The following MCM3AP variants were observed in gnomAD, a reference collection of about 807,000 sequenced individuals.
MCM3AP encodes the protein germinal-center associated nuclear protein.
In MCM3AP, 126 loss-of-function variants were observed where a neutral mutation model predicts 184.1. That is an observed-to-expected ratio of 0.68 (90% CI 0.59 to 0.79). MCM3AP has a LOEUF of 0.79. MCM3AP is among the 30% of genes least tolerant of loss of function. The pLI is 0.00. For missense variants in MCM3AP, 2,496 were observed against 2,479.2 expected (o/e 1.01, Z -0.14); for synonymous variants, 1,002 against 979.3 (o/e 1.02, Z -0.43).
chr21:46,260,620 A>T (rs1050447881), intron 15 of MCM3AP, among the ~76,000 whole-genome samples, 173 bp downstream of exon 15: 7 of 152,354 alleles, frequency 4.6e-5, no homozygotes, highest in African/African-American at 1.7e-4. Context: ...ATAAAATTCT[A>T]TTAGCCAAGG....
Position 46,283,817 on chromosome 21 carries a change from GC to G in MCM3AP, c.1240del (p.Ala414ArgfsTer94). The G allele has an allele frequency of 6.2e-7, 1 of 1,613,328 alleles. No individual in the cohort carries two copies. The highest frequency in any genetic ancestry group is 8.5e-7 in the Non-Finnish European group (1 of 1,179,850). ...KKEDSLRGTP[A>X]RQSNRSESTD... The stretch of plus-strand genomic sequence containing the variant: ...GCTCTCGCTTCTGTTACTCTGACGC[GC>G]CGGAGTTCCTCTTAGAGAATCTAGG... On this transcript the variant is annotated frameshift_variant, in exon 2 of 28. Transcript: ENST00000291688. LOFTEE classifies it high-confidence loss of function.
intron 17 of MCM3AP, among the ~76,000 whole-genome samples, chr21:46,255,842 A>AG (rs1470947438): frequency 6.6e-6 from 1 of 151,504 alleles, no homozygotes; most frequent in African/African-American, 2.4e-5. Flanking sequence ...GCAGCTACGG[A>AG]GGGGGGACAC....
intron 20 of MCM3AP, among the ~76,000 whole-genome samples, chr21:46,248,616 G>GGAA (rs1222513880): frequency 1.6e-5 from 2 of 128,030 alleles, no homozygotes. Flanking sequence ...TAACAGAGAG[G>GGAA]AAAAAAAAAA....
At chr21:46,260,670 T>G in intron 15 of MCM3AP, 123 bp downstream of exon 15, 1 of 661,790 alleles carries the variant, frequency 1.5e-6, no homozygotes, top group South Asian at 1.8e-5. Context: ...GGTCACAAAA[T>G]CAAAGTAGCT....
intron 19 of MCM3AP, 126 bp from the exon 20 acceptor site, chr21:46,251,808 C>G (rs1285177026): frequency 1.0e-5 from 6 of 572,522 alleles, no homozygotes; most frequent in Non-Finnish European, 1.5e-5. Flanking sequence ...CCACAAATAC[C>G]ACATCTTACT....
chr21:46,242,323 T>C (rs983095686), intron 25 of MCM3AP: 1 of 151,762 alleles, frequency 6.6e-6, no homozygotes, highest in Non-Finnish European at 1.5e-5. Context: ...GTTAGGACTT[T>C]TTTTTTTTTT....
Position 46,265,477 on chromosome 21 carries a change from CA to C in MCM3AP, c.3077del (p.Leu1026ArgfsTer24), listed in dbSNP as rs745820973. 3 of 1,610,944 alleles carry C rather than the reference CA, an allele frequency of 1.9e-6. No homozygotes were observed. The highest frequency in any genetic ancestry group is 2.5e-6 in the Non-Finnish European group (3 of 1,178,676). On this transcript the variant is annotated frameshift_variant, in exon 12 of 28. Coordinates refer to ENST00000291688, the MANE Select transcript of MCM3AP (RefSeq NM_003906.5). LOFTEE classifies it high-confidence loss of function. Reference sequence around the variant, plus strand: ...CTGGTAGAGACTGTGGGAGACTGGACAGGGGTGCATCCGGCTCTACACCACA... The same window carrying C: ...CTGGTAGAGACTGTGGGAGACTGGACGGGGTGCATCCGGCTCTACACCACA... The part of the protein sequence containing the change: ...EECGVEPDAP[L>X]SSLPQSLPAP...
At position 46,273,369 on chromosome 21, in the gene MCM3AP, G is replaced by C. The variant is rs1377718368; in HGVS notation, c.2196+19C>G. The C allele has an allele frequency of 1.2e-6, 2 of 1,608,436 alleles. No individual in the cohort carries two copies. The highest frequency in any genetic ancestry group is 1.7e-6 in the Non-Finnish European group (2 of 1,175,108). On this transcript the variant is annotated intron_variant, in intron 7 of 27. Coordinates refer to ENST00000291688, the MANE Select transcript of MCM3AP (RefSeq NM_003906.5). The stretch of plus-strand genomic sequence containing the variant: ...ATTTGCGTGGATTTTTTAGCATCCA[G>C]GTTGGAGGCAGCCAATACCTTCCGT...
intron 8 of MCM3AP, among the ~76,000 whole-genome samples, chr21:46,271,926 G>C (rs1176992870): frequency 1.3e-5 from 2 of 151,628 alleles, no homozygotes; most frequent in Admixed American, 6.6e-5. Flanking sequence ...CACAGTTCTT[G>C]AGGAAAATAC....
chr21:46,267,242 G>T, intron 9 of MCM3AP, 100 bp from the exon 10 acceptor site: 1 of 1,153,718 alleles, frequency 8.7e-7, no homozygotes, highest in Non-Finnish European at 1.2e-6. Flanking sequence ...GGGGCACATG[G>T]GCTCCTCCTG....
In MCM3AP at chr21:46,285,135, C is replaced by A. The variant is rs764739996; in HGVS notation, c.152G>T (p.Gly51Val). The A allele has an allele frequency of 6.2e-7, 1 of 1,614,152 alleles. No individual in the cohort carries two copies. Among genetic ancestry groups the A allele is most frequent in the South Asian group, 1.1e-5 (1 of 91,086 alleles). ...QNSTLSGKSS[G>V]FSQVSSFPAS... Reference sequence around the variant, plus strand: ...TGGAAAGCTGGATACCTGTGAAAATCCCGAGCTCTTCCCAGATAAGGTACT... The same window carrying A: ...TGGAAAGCTGGATACCTGTGAAAATACCGAGCTCTTCCCAGATAAGGTACT... Residue 51 changes from glycine to valine, a missense_variant, in exon 1 of 28, where the codon GGA becomes GTA. Physicochemically the swap from Gly to Val is moderately radical, Grantham distance 109 (BLOSUM62 -3). This residue lies in a region of MCM3AP where 800 missense variants were observed against 717.1 expected (regional missense o/e 1.12). Transcript: ENST00000291688.
chr21:46,242,898 T>A lies in MCM3AP; in HGVS notation c.5330A>T (p.Tyr1777Phe). ...TTTTTTCAAATCGTTTTTAAAAAAA[T>A]ACACACATATCTGACCATCTTCACT... Reference protein sequence around the residue: ...ALSEDGQICVYFFKNDLKKYD... With the variant: ...ALSEDGQICVFFFKNDLKKYD... Residue 1777 changes from tyrosine to phenylalanine, a missense_variant, in exon 25 of 28, where the codon TAT (tyrosine) becomes TTT (phenylalanine). This residue lies in a region of MCM3AP where 1,323 missense variants were observed against 1,273.4 expected (regional missense o/e 1.04). Coordinates refer to ENST00000291688, the MANE Select transcript of MCM3AP (RefSeq NM_003906.5). The A allele has an allele frequency of 6.2e-7, 1 of 1,611,164 alleles. No homozygotes were observed. The highest frequency in any genetic ancestry group is 8.5e-7 in the Non-Finnish European group (1 of 1,179,420).
In MCM3AP at chr21:46,246,416, A is replaced by C; in HGVS notation, c.4550-12T>G. ...CTGTAGCATCAGACCTTTAAGACAG[A>C]CATAGATGAAGGTCACTTGCATTCT... On this transcript the variant is annotated splice_polypyrimidine_tract_variant and intron_variant, in intron 21 of 27. Coordinates refer to ENST00000291688, the MANE Select transcript of MCM3AP (RefSeq NM_003906.5). 6.5e-7 allele frequency: 1 copy of C among 1,542,696 alleles called. No individual in the cohort carries two copies. The highest frequency in any genetic ancestry group is 9.0e-7 in the Non-Finnish European group (1 of 1,114,864).
rs200901389 is a variant in MCM3AP, at chr21:46,272,847, G to A, written c.2197-18C>T. 6.4e-5 allele frequency: 100 copies of A among 1,555,158 alleles called. No individual in the cohort carries two copies. The highest frequency in any genetic ancestry group is 6.7e-5 in the Non-Finnish European group (77 of 1,149,676). Reference sequence around the variant, plus strand: ...GTGATATCCTGGCCACAGGCGAGGGGGAGGATCACACACACATTCCCATGC... The same window carrying A: ...GTGATATCCTGGCCACAGGCGAGGGAGAGGATCACACACACATTCCCATGC... On this transcript the variant is annotated intron_variant, in intron 7 of 27. Transcript: ENST00000291688.
At chr21:46,243,060 C>CTTAA in intron 24 of MCM3AP, 129 bp from the exon 25 acceptor site, 1 of 817,492 alleles carries the variant, frequency 1.2e-6, no homozygotes, top group Non-Finnish European at 1.9e-6. Context: ...GTGGCATGTG[C>CTTAA]TTAAATTCAC....
rs553397121 is a variant in MCM3AP at position 46,250,004 on chromosome 21, C to T, written c.4290+1525G>A. On this transcript the variant is annotated intron_variant, in intron 20 of 27. Coordinates refer to ENST00000291688, the MANE Select transcript of MCM3AP (RefSeq NM_003906.5). ...AGGCACATGTTGCCTGGATGGAGACCAGCCCACAGATGAGAGTTCCAGGAC... is the reference window on the plus strand; with the variant it reads ...AGGCACATGTTGCCTGGATGGAGACTAGCCCACAGATGAGAGTTCCAGGAC... 24 of 157,058 alleles carry T rather than the reference C, an allele frequency of 1.5e-4. No homozygotes were observed. In the South Asian group the frequency reaches 4.6e-3, roughly 30 times the overall value. 9.7% of individuals were successfully genotyped at this position (157,058 alleles called of 1,614,324 possible).
In MCM3AP at chr21:46,284,707, A is replaced by C; in HGVS notation, c.580T>G (p.Phe194Val). ...SAPGGLAPFSFPQVTSSSATT... is the reference protein window; with the variant it reads ...SAPGGLAPFSVPQVTSSSATT... ...GCTGAACTACTTGTTACTTGAGGAA[A>C]AGAGAAAGGGGCCAGGCCTCCAGGT... The change falls in exon 1 of 28, where the codon TTT becomes GTT. Residue 194 changes from phenylalanine (F) to valine (V), a missense_variant. By Grantham distance (50) the Phe-to-Val change is conservative. Transcript: ENST00000291688. 6.2e-7 allele frequency: 1 copy of C among 1,614,168 alleles called. No homozygotes were observed. Among genetic ancestry groups the C allele is most frequent in the Non-Finnish European group, 8.5e-7 (1 of 1,180,040 alleles).
intron 24 of MCM3AP, 174 bp from the exon 25 acceptor site, chr21:46,243,105 C>G: frequency 3.1e-6 from 2 of 635,796 alleles, no homozygotes; most frequent in Non-Finnish European, 5.3e-6. Context: ...TAAAGTCACA[C>G]AATTATGTGA....
intron 6 of MCM3AP, among the ~76,000 whole-genome samples, 183 bp from the exon 7 acceptor site, chr21:46,273,768 A>G (rs1465298938): frequency 6.6e-6 from 1 of 152,348 alleles, no homozygotes; most frequent in East Asian, 1.9e-4. Context: ...CAAATAGAGA[A>G]ATTTGATTTT....
Sources: allele counts gnomAD v4.1 joint callset (sites outside exome capture counted in the v4.1 genomes callset), GRCh38; gene constraint gnomAD v4.1.1; regional missense constraint gnomAD v4.1.1; transcripts MANE v1.5; gene names NCBI Gene and HGNC (gene_info 2026-07-23, HGNC 2026-07-21).